Variants in BTRC observed in about 807,000 individuals in gnomAD.
BTRC encodes the protein F-box/WD repeat-containing protein 1A.
In BTRC, 42 loss-of-function variants were observed where a neutral mutation model predicts 85.5. That is an observed-to-expected ratio of 0.49 (90% CI 0.38 to 0.64). BTRC has a LOEUF of 0.64. Ranked by LOEUF, BTRC falls within the 30% of genes least tolerant of loss-of-function variation. The pLI is 0.00. For missense variants in BTRC, 594 were observed against 743.5 expected, an observed-to-expected ratio of 0.80 and a Z score of 2.34; for synonymous variants, 255 against 263.3, an observed-to-expected ratio of 0.97 and a Z score of 0.30.
intron 3 of BTRC, among the ~76,000 whole-genome samples, chr10:101,472,465 C>A (rs1945558507): frequency 1.3e-5 from 2 of 152,144 alleles, no homozygotes; most frequent in African/African-American, 4.8e-5. Context: ...CCACCCCACC[C>A]CTTTCCTAAC....
intron 4 of BTRC, among the ~76,000 whole-genome samples, chr10:101,495,427 A>T (rs1356964689): frequency 6.6e-6 from 1 of 152,198 alleles, no homozygotes; most frequent in Non-Finnish European, 1.5e-5. Context: ...ATTAAAGCAA[A>T]TTAAAAATAA....
rs904773977 is a variant in BTRC at position 101,554,836 on chromosome 10, G to C, written c.*1713G>C. 1.3e-5 allele frequency: 2 copies of C among 152,210 alleles called. No homozygotes were observed. Among genetic ancestry groups the C allele is most frequent in the African/African-American group, 4.8e-5 (2 of 41,434 alleles). The allele number at this position is 152,210 out of a possible 1,614,324, so 9.4% of individuals were successfully genotyped here. A position where few individuals can be genotyped will look rare whatever the true frequency, so the allele number is the denominator to read the frequency against. ...ACAGAATACTATTAATGTGCACCCAGCTGGTCTCCCCAGGCAAGAAGGTAT... is the reference window on the plus strand; with the variant it reads ...ACAGAATACTATTAATGTGCACCCACCTGGTCTCCCCAGGCAAGAAGGTAT... On this transcript the variant is annotated 3_prime_UTR_variant, in exon 15 of 15. Transcript: ENST00000370187.
At chr10:101,366,816 ATATT>A (rs1478347184) in intron 1 of BTRC, among the ~76,000 whole-genome samples, 1 of 55,480 alleles carries the variant, frequency 1.8e-5, no homozygotes, top group Non-Finnish European at 2.9e-5. Context: ...ATATTTATAT[ATATT>A]AATATATATT....
At chr10:101,503,620 TA>T (rs1001333154) in intron 4 of BTRC, among the ~76,000 whole-genome samples, 6 of 152,186 alleles carry the variant, frequency 3.9e-5, no homozygotes, top group Non-Finnish European at 7.3e-5. Context: ...TTCCAGAAAT[TA>T]CAAGTCATTT....
At chr10:101,402,405 A>G (rs963478719) in intron 1 of BTRC, among the ~76,000 whole-genome samples, 8 of 152,200 alleles carry the variant, frequency 5.3e-5, no homozygotes, top group African/African-American at 1.7e-4. Context: ...TCAGTGTTGT[A>G]TTTGACTAAT....
chr10:101,415,187 C>CT (rs34533236), intron 1 of BTRC, among the ~76,000 whole-genome samples: 49,360 of 150,374 alleles, frequency 0.33, 10,603 homozygotes, highest in East Asian at 0.67. Context: ...ATCTTTTTGT[C>CT]TTTTTTTTTG....
intron 1 of BTRC, among the ~76,000 whole-genome samples, chr10:101,363,918 C>T (rs533970134): frequency 2.0e-5 from 3 of 152,056 alleles, no homozygotes; most frequent in East Asian, 1.9e-4. Flanking sequence ...TAGCTATTGG[C>T]GTTTAGAATC....
At chr10:101,466,036 G>A (rs938462316) in intron 3 of BTRC, among the ~76,000 whole-genome samples, 1 of 152,164 alleles carries the variant, frequency 6.6e-6, no homozygotes, top group African/African-American at 2.4e-5. Flanking sequence ...GCAATCAAGG[G>A]CAAAGGCCTG....
At chr10:101,360,050 C>CT (rs71472566) in intron 1 of BTRC, among the ~76,000 whole-genome samples, 41,129 of 151,872 alleles carry the variant, frequency 0.27, 6,681 homozygotes, top group South Asian at 0.4. Context: ...AAAGAGATCT[C>CT]TTTTTTTTAA....
chr10:101,439,442 A>G (rs1023204971), intron 2 of BTRC, among the ~76,000 whole-genome samples: 4 of 152,204 alleles, frequency 2.6e-5, no homozygotes, highest in Non-Finnish European at 4.4e-5. Context: ...TGGCATTACA[A>G]TGAGAGAAAG....
chr10:101,401,347 G>A (rs1261432721), intron 1 of BTRC, among the ~76,000 whole-genome samples: 2 of 152,166 alleles, frequency 1.3e-5, no homozygotes, highest in Non-Finnish European at 2.9e-5. Context: ...AAGAGTGTAA[G>A]TGAACATCCT....
At chr10:101,368,371 CT>C (rs906752931) in intron 1 of BTRC, among the ~76,000 whole-genome samples, 1 of 150,976 alleles carries the variant, frequency 6.6e-6, no homozygotes, top group Middle Eastern at 3.4e-3. Flanking sequence ...CCAAATAAAC[CT>C]TTTTTTATTA....
At chr10:101,479,496 C>G in intron 4 of BTRC, 39 bp downstream of exon 4, 1 of 1,475,320 alleles carries the variant, frequency 6.8e-7, no homozygotes. Flanking sequence ...TACACCACAC[C>G]ATAACAGTGC....
At chr10:101,384,384 C>T (rs1366460572) in intron 1 of BTRC, among the ~76,000 whole-genome samples, 2 of 152,206 alleles carry the variant, frequency 1.3e-5, no homozygotes, top group African/African-American at 4.8e-5. Flanking sequence ...TTTAATTTCA[C>T]GCCCTGATTA....
At chr10:101,454,657 C>A (rs1945029500) in intron 2 of BTRC, among the ~76,000 whole-genome samples, 1 of 152,088 alleles carries the variant, frequency 6.6e-6, no homozygotes, top group Non-Finnish European at 1.5e-5. Flanking sequence ...TGGCGTATAC[C>A]TGTAGTCTTA....
At chr10:101,366,863 TATATTA>T (rs1400790200) in intron 1 of BTRC, among the ~76,000 whole-genome samples, 1 of 11,824 alleles carries the variant, frequency 8.5e-5, no homozygotes, top group South Asian at 1.7e-3. Context: ...TATATATTTA[TATATTA>T]ATATATATTT....
chr10:101,437,136 T>C (rs1445262350), intron 2 of BTRC, among the ~76,000 whole-genome samples: 1 of 152,208 alleles, frequency 6.6e-6, no homozygotes, highest in Non-Finnish European at 1.5e-5. Context: ...TTATTTTTTA[T>C]GTATATGTTA....
chr10:101,442,473 T>C (rs868702123), intron 2 of BTRC, among the ~76,000 whole-genome samples: 4 of 152,150 alleles, frequency 2.6e-5, no homozygotes, highest in Admixed American at 2.6e-4. Flanking sequence ...CCATCCAGTT[T>C]AGTTCAGAAG....
chr10:101,540,918 C>T (rs1324968179), intron 13 of BTRC, among the ~76,000 whole-genome samples: 1 of 152,170 alleles, frequency 6.6e-6, no homozygotes, highest in Non-Finnish European at 1.5e-5. Flanking sequence ...CACGTTGTAG[C>T]TTTTAGTATA....
Sources: allele counts gnomAD v4.1 joint callset (sites outside exome capture counted in the v4.1 genomes callset), GRCh38; gene constraint gnomAD v4.1.1; transcripts MANE v1.5; gene names NCBI Gene and HGNC (gene_info 2026-07-23, HGNC 2026-07-21).